JCAD: variants seen among roughly 807,000 people sequenced by gnomAD.
JCAD encodes junctional cadherin 5 associated.
JCAD carries 40 observed loss-of-function variants against 98.0 expected under a neutral mutation model. The observed-to-expected ratio is 0.41, with a 90% CI of 0.32 to 0.53. The LOEUF is 0.53. JCAD is among the 20% of genes least tolerant of loss of function. JCAD has a pLI of 0.31. For synonymous variants in JCAD, 691 were observed against 682.3 expected, an observed-to-expected ratio of 1.01 and a Z score of -0.20; for missense variants, 1,705 against 1,738.1, an observed-to-expected ratio of 0.98 and a Z score of 0.34.
chr10:30,114,561 A>C (rs1330726557), intron 1 of JCAD, among the ~76,000 whole-genome samples: 1 of 146,420 alleles, frequency 6.8e-6, no homozygotes, highest in African/African-American at 2.5e-5. Flanking sequence ...TTGCCAAAAA[A>C]CACAAAACAG....
rs577902491 is a variant in JCAD, at chr10:30,094,775, G to A, written n.128+20592C>T. Among the ~76,000 whole-genome samples, 3 of 152,196 alleles carry A rather than the reference G, an allele frequency of 2.0e-5. No homozygotes were observed. The East Asian group carries it at 5.8e-4, about 29-fold the overall frequency. On this transcript the variant is annotated intron_variant and non_coding_transcript_variant, in intron 1 of 2. Transcript: ENST00000465712. ...TAGCTTCTTCCCCACACACCTCACC[G>A]ATTTAGCCCACCTGTTCCCAGTCAT...
intron 1 of JCAD, among the ~76,000 whole-genome samples, chr10:30,087,477 T>G (rs1003570744): frequency 6.6e-6 from 1 of 152,010 alleles, no homozygotes; most frequent in Non-Finnish European, 1.5e-5. Flanking sequence ...AATAAAAAAG[T>G]CTGGGAGAAG....
rs1354981096 is a variant in JCAD at position 30,026,497 on chromosome 10, G to C, written c.3651C>G (p.Phe1217Leu). 6.2e-7 allele frequency: 1 copy of C among 1,614,096 alleles called. No homozygotes were observed. Among genetic ancestry groups the C allele is most frequent in the African/African-American group, 1.3e-5 (1 of 74,930 alleles). The part of the protein sequence containing the change: ...ETKPPFRSTL[F>L]HFVERTPSVA... ...CACTTGGGGTTCTTTCTACAAAATG[G>C]AATAAAGTGGACCTGAAGGGTGGTT... Residue 1217 changes from phenylalanine (F) to leucine (L), a missense_variant, in exon 3 of 4, where the codon TTC becomes TTG. By Grantham distance (22) the Phe-to-Leu change is conservative. This residue lies in a region of JCAD where 1,278 missense variants were observed against 1,243.1 expected (regional missense o/e 1.03). Coordinates refer to ENST00000375377, the MANE Select transcript of JCAD (RefSeq NM_020848.4).
Position 30,017,729 on chromosome 10 carries a change from G to A in JCAD, c.*154C>T, listed in dbSNP as rs1836563941. Reference sequence around the variant, plus strand: ...CAAAGCAATTCTGAGAGGATGGCAAGTTTCCTAGTGGCAGTGGTAAAGAAT... The same window carrying A: ...CAAAGCAATTCTGAGAGGATGGCAAATTTCCTAGTGGCAGTGGTAAAGAAT... On this transcript the variant is annotated 3_prime_UTR_variant, in exon 4 of 4. Transcript: ENST00000375377. 8.6e-6 allele frequency: 6 copies of A among 699,186 alleles called. No individual in the cohort carries two copies. The highest frequency in any genetic ancestry group is 3.4e-5 in the South Asian group (2 of 59,090). 43.3% of individuals were successfully genotyped at this position (699,186 alleles called of 1,614,324 possible).
chr10:30,064,624 C>T (rs1423202260), intron 2 of JCAD, among the ~76,000 whole-genome samples: 1 of 152,020 alleles, frequency 6.6e-6, no homozygotes. Flanking sequence ...ACTTATTCCT[C>T]CTAAATGAAA....
chr10:30,109,664 G>A (rs1047356777), intron 1 of JCAD, among the ~76,000 whole-genome samples: 8 of 152,186 alleles, frequency 5.3e-5, no homozygotes, highest in Non-Finnish European at 4.4e-5. Flanking sequence ...CCAAGGGTTG[G>A]GTGGATGGTG....
chr10:30,047,100 CG>C (rs1264171432), intron 2 of JCAD, among the ~76,000 whole-genome samples: 1 of 151,852 alleles, frequency 6.6e-6, no homozygotes, highest in Non-Finnish European at 1.5e-5. Context: ...AAAAGGTGGC[CG>C]GGTGCAGTGG....
chr10:30,021,195 G>A (rs1350900588), intron 3 of JCAD, among the ~76,000 whole-genome samples: 2 of 152,082 alleles, frequency 1.3e-5, no homozygotes, highest in Non-Finnish European at 2.9e-5. Context: ...TTATAATGTG[G>A]GCCACAAAAC....
Position 30,029,490 on chromosome 10 carries a change from CAT to C in JCAD, c.656_657del (p.His219ArgfsTer15), listed in dbSNP as rs1331317261. ...TTCCCTTTGTTTTGAGAATTCAACA[CAT>C]GTTCTCCTTGAATGAATGGGTACAG... ...QDLYPFIQGE[H>X]VLNSQNKGKS... is the part of the protein sequence containing the mutation. On this transcript the variant is annotated frameshift_variant, in exon 3 of 4. Transcript: ENST00000375377. LOFTEE classifies it high-confidence loss of function. The C allele has an allele frequency of 1.4e-5, 22 of 1,614,212 alleles. No individual in the cohort carries two copies. Among genetic ancestry groups the C allele is most frequent in the Non-Finnish European group, 1.9e-5 (22 of 1,180,042 alleles).
intron 1 of JCAD, among the ~76,000 whole-genome samples, chr10:30,077,649 G>T (rs1400319585): frequency 1.3e-5 from 2 of 152,108 alleles, no homozygotes; most frequent in Non-Finnish European, 2.9e-5. Flanking sequence ...ACCTCTTCTG[G>T]ATACCTCAGA....
At chr10:30,072,136 CAGGGA>C (rs976519799) in intron 1 of JCAD, among the ~76,000 whole-genome samples, 1 of 141,870 alleles carries the variant, frequency 7.0e-6, no homozygotes, top group Non-Finnish European at 1.5e-5. Flanking sequence ...CAGGGCAGGG[CAGGGA>C]AGGGAAGGGA....
chr10:30,038,166 G>A lies in JCAD; in HGVS notation c.282-8300C>T, dbSNP rs958369801. Reference sequence around the variant, plus strand: ...ACACACAAGTTAAGTCGGAGGCCACGGTCCACCGGCCCCACCCCTGGGACT... The same window carrying A: ...ACACACAAGTTAAGTCGGAGGCCACAGTCCACCGGCCCCACCCCTGGGACT... On this transcript the variant is annotated intron_variant, in intron 2 of 3. Transcript: ENST00000375377. Among the ~76,000 whole-genome samples, 10 of 152,078 alleles carry A rather than the reference G, an allele frequency of 6.6e-5. No individual in the cohort carries two copies. The South Asian group carries it at 8.3e-4, about 13-fold the overall frequency.
In JCAD at chr10:30,028,902, C is replaced by G. The variant is rs755337099; in HGVS notation, c.1246G>C (p.Ala416Pro). 1 of 1,614,206 alleles carries G rather than the reference C, an allele frequency of 6.2e-7. No individual in the cohort carries two copies. Among genetic ancestry groups the G allele is most frequent in the Non-Finnish European group, 8.5e-7 (1 of 1,180,038 alleles). Reference sequence around the variant, plus strand: ...ATGTACTGAACGAAGCCGTCATAGGCAGTGACAGGTCGGGGATGTGCGGGG... The same window carrying G: ...ATGTACTGAACGAAGCCGTCATAGGGAGTGACAGGTCGGGGATGTGCGGGG... Reference protein sequence around the residue: ...GLPAHPRPVTAYDGFVQYIPF... With the variant: ...GLPAHPRPVTPYDGFVQYIPF... The change falls in exon 3 of 4, where the codon GCC becomes CCC. Residue 416 changes from alanine (A) to proline (P), a missense_variant. Physicochemically the swap from Ala to Pro is conservative, Grantham distance 27 (BLOSUM62 -1). Around this residue, in one of 3 missense-constraint regions of JCAD, gnomAD observed 1,278 missense variants for 1,243.1 expected, o/e 1.03. Transcript: ENST00000375377.
chr10:30,092,092 G>A (rs1350939684), intron 1 of JCAD, among the ~76,000 whole-genome samples: 40 of 7,944 alleles, frequency 5.0e-3, no homozygotes, highest in Admixed American at 0.014. Context: ...TATATATAAA[G>A]TTACTTTATA....
chr10:30,027,028 G>A lies in JCAD; in HGVS notation c.3120C>T (p.Asn1040=), dbSNP rs778441583. The A allele has an allele frequency of 6.2e-7, 1 of 1,614,192 alleles. No homozygotes were observed. Among genetic ancestry groups the A allele is most frequent in the South Asian group, 1.1e-5 (1 of 91,080 alleles). Residue 1040 remains asparagine (N), a synonymous_variant, in exon 3 of 4, where the codon AAC becomes AAT. Coordinates refer to ENST00000375377, the MANE Select transcript of JCAD (RefSeq NM_020848.4). ...AGLPLSLSNK[N]RGLSAPDLRS... ...GTAAGTCTGGAGCTGAGAGCCCTCG[G>A]TTCTTGTTAGACAGGGACAGTGGGA... is the stretch of plus-strand genomic sequence containing the variant.
At chr10:30,096,303 A>C (rs951456759) in intron 1 of JCAD, among the ~76,000 whole-genome samples, 2 of 152,162 alleles carry the variant, frequency 1.3e-5, no homozygotes, top group Non-Finnish European at 2.9e-5. Flanking sequence ...CTGCACCACC[A>C]ACCCCACTGC....
intron 1 of JCAD, among the ~76,000 whole-genome samples, chr10:30,053,442 T>A (rs1837508181): frequency 6.6e-6 from 1 of 151,828 alleles, no homozygotes; most frequent in Admixed American, 6.6e-5. Flanking sequence ...TCACCTGTAG[T>A]CCTAGCTACC....
Position 30,107,192 on chromosome 10 carries a change from CG to C in JCAD, n.128+8174del, listed in dbSNP as rs541400127. On this transcript the variant is annotated intron_variant and non_coding_transcript_variant, in intron 1 of 2. Transcript: ENST00000465712. Reference sequence around the variant, plus strand: ...AGGTAAAATAAGGCTGGGACCTACTCGGCTGCATTTCCAGTAGGTTAGGCAC... The same window carrying C: ...AGGTAAAATAAGGCTGGGACCTACTCGCTGCATTTCCAGTAGGTTAGGCAC... Among the ~76,000 whole-genome samples, 32 of 152,252 alleles carry C rather than the reference CG, an allele frequency of 2.1e-4. No individual in the cohort carries two copies. The East Asian group carries it at 6.0e-3, about 28-fold the overall frequency.
chr10:30,112,369 C>T (rs1838718113), intron 1 of JCAD, among the ~76,000 whole-genome samples: 1 of 152,068 alleles, frequency 6.6e-6, no homozygotes, highest in South Asian at 2.1e-4. Flanking sequence ...ATCCAAGCTA[C>T]TCAGGAGACT....
Sources: allele counts gnomAD v4.1 joint callset (sites outside exome capture counted in the v4.1 genomes callset), GRCh38; gene constraint gnomAD v4.1.1; regional missense constraint gnomAD v4.1.1; transcripts MANE v1.5; gene names NCBI Gene and HGNC (gene_info 2026-07-23, HGNC 2026-07-21).